Variants in FEZ2 observed in about 807,000 individuals in gnomAD.
FEZ2 encodes fasciculation and elongation protein zeta-2.
A neutral mutation model predicts 40.4 loss-of-function variants in FEZ2; 51 were observed. The ratio of observed to expected loss-of-function variants is 1.26; its 90% confidence interval spans 1.01 to 1.59. The LOEUF is 1.59. FEZ2 is among the 40% of genes most tolerant of loss of function. FEZ2 has a pLI of 0.00. For missense variants in FEZ2, 640 were observed against 438.3 expected (o/e 1.46, Z -4.11); for synonymous variants, 242 against 172.0 (o/e 1.41, Z -3.18).
intron 5 of FEZ2, among the ~76,000 whole-genome samples, chr2:36,564,713 T>C (rs781602185): frequency 2.0e-5 from 3 of 150,710 alleles, no homozygotes; most frequent in Non-Finnish European, 3.0e-5. Flanking sequence ...CAAAGGACAA[T>C]GGACAAGGGA....
chr2:36,573,453 C>T (rs1417621202), intron 5 of FEZ2, among the ~76,000 whole-genome samples: 1 of 152,200 alleles, frequency 6.6e-6, no homozygotes, highest in Non-Finnish European at 1.5e-5. Context: ...TAACAGAAGC[C>T]TGGCTCCCCC....
At chr2:36,556,742 G>A (rs1356192067) in intron 6 of FEZ2, 3 of 152,196 alleles carry the variant, frequency 2.0e-5, no homozygotes, top group East Asian at 1.9e-4. Context: ...ATATCATAGT[G>A]CCTGGCACAT....
chr2:36,592,893 C>G (rs1479056248), intron 1 of FEZ2, among the ~76,000 whole-genome samples: 1 of 152,148 alleles, frequency 6.6e-6, no homozygotes, highest in Admixed American at 6.5e-5. Flanking sequence ...AGAACTAACT[C>G]ATCTACCCAG....
At chr2:36,593,309 C>T (rs1669125188) in intron 1 of FEZ2, among the ~76,000 whole-genome samples, 1 of 152,066 alleles carries the variant, frequency 6.6e-6, no homozygotes, top group South Asian at 2.1e-4. Context: ...CTTCTCACAA[C>T]CCCACTAGGC....
chr2:36,592,541 C>CAT (rs2148352012), intron 1 of FEZ2, among the ~76,000 whole-genome samples: 1 of 150,682 alleles, frequency 6.6e-6, no homozygotes, highest in South Asian at 2.1e-4. Context: ...CCTGGTGGCT[C>CAT]ATGCCTGTAA....
At chr2:36,556,152 TA>T in intron 6 of FEZ2, 1 of 405,720 alleles carries the variant, frequency 2.5e-6, no homozygotes, top group Middle Eastern at 3.6e-4. Flanking sequence ...TCAAGCAAAC[TA>T]GAGAAACTCT....
intron 7 of FEZ2, chr2:36,555,394 A>G: frequency 4.3e-6 from 1 of 233,568 alleles, no homozygotes; most frequent in Non-Finnish European, 8.2e-6. Context: ...TGATACCCAC[A>G]TGATTATGGT....
At position 36,597,932 on chromosome 2, in the gene FEZ2, G is replaced by C; in HGVS notation, c.211C>G (p.Pro71Ala). The C allele has an allele frequency of 7.0e-7, 1 of 1,438,220 alleles. No homozygotes were observed. Among genetic ancestry groups the C allele is most frequent in the Non-Finnish European group, 9.1e-7 (1 of 1,102,776 alleles). 89.1% of individuals were successfully genotyped at this position (1,438,220 alleles called of 1,614,324 possible). A position where few individuals can be genotyped will look rare whatever the true frequency, so the allele number is the denominator to read the frequency against. Residue 71 changes from proline (P) to alanine (A), a missense_variant, in exon 1 of 8, where the codon CCC (proline) becomes GCC (alanine). By Grantham distance (27) the Pro-to-Ala change is conservative. Coordinates refer to ENST00000405912, the MANE Select transcript of FEZ2 (RefSeq NM_005102.3). ...ATGGGCCGCACGGCCGTCCTCGGGGGCTCGGCGCCCGGATCCGAGGGGCGG... is the reference window on the plus strand; with the variant it reads ...ATGGGCCGCACGGCCGTCCTCGGGGCCTCGGCGCCCGGATCCGAGGGGCGG... ...CFRPSDPGAE[P>A]PRTAVRPITE...
intron 4 of FEZ2, among the ~76,000 whole-genome samples, chr2:36,580,266 T>C (rs749767343): frequency 2.6e-5 from 4 of 152,232 alleles, no homozygotes; most frequent in African/African-American, 4.8e-5. Flanking sequence ...TACAGGAACA[T>C]GGCCAAATCA....
intron 4 of FEZ2, among the ~76,000 whole-genome samples, chr2:36,579,619 TA>T (rs1347939409): frequency 4.0e-5 from 6 of 151,664 alleles, no homozygotes; most frequent in Non-Finnish European, 8.8e-5. Flanking sequence ...CCACCATGAG[TA>T]AAAGCTCCCT....
chr2:36,565,989 G>A (rs535296233), intron 5 of FEZ2, among the ~76,000 whole-genome samples: 2 of 152,190 alleles, frequency 1.3e-5, no homozygotes, highest in Non-Finnish European at 2.9e-5. Flanking sequence ...AAGCACATTG[G>A]ATGGTTCATC....
chr2:36,566,339 C>CA (rs11384694), intron 5 of FEZ2, among the ~76,000 whole-genome samples: 68,939 of 131,940 alleles, frequency 0.52, 17,576 homozygotes, highest in East Asian at 0.85. Flanking sequence ...GACTCCGTCT[C>CA]AAAAAAAAAA....
At chr2:36,590,308 T>A (rs1489941061) in intron 2 of FEZ2, 1 of 152,268 alleles carries the variant, frequency 6.6e-6, no homozygotes, top group African/African-American at 2.4e-5. Context: ...GAGATTCCAA[T>A]ACTCTCAGTA....
chr2:36,560,772 G>A, intron 5 of FEZ2: 1 of 1,554,816 alleles, frequency 6.4e-7, no homozygotes, highest in Non-Finnish European at 8.8e-7. Flanking sequence ...GGAAAATAAG[G>A]ATAACCGAGC....
At chr2:36,588,178 G>A (rs1013157804) in intron 2 of FEZ2, among the ~76,000 whole-genome samples, 2 of 152,038 alleles carry the variant, frequency 1.3e-5, no homozygotes, top group Non-Finnish European at 2.9e-5. Flanking sequence ...ACAGGCATGC[G>A]CCACCACGCC....
At chr2:36,581,040 T>C (rs544084984) in intron 4 of FEZ2, among the ~76,000 whole-genome samples, 4 of 152,254 alleles carry the variant, frequency 2.6e-5, no homozygotes, top group Admixed American at 2.6e-4. Context: ...TAATCCTAGC[T>C]ACTTGGGAGG....
rs1317202046 is a variant in FEZ2, at chr2:36,578,487, T to C, written c.903+110A>G. 4 of 1,121,018 alleles carry C rather than the reference T, an allele frequency of 3.6e-6. No homozygotes were observed. The African/African-American group carries it at 6.2e-5, about 18-fold the overall frequency. The allele number at this position is 1,121,018 out of a possible 1,614,324, so 69.4% of individuals were successfully genotyped here. ...CCCACTGGGCTCTGATTAGAAGTGT[T>C]AACACTCCTGCCCATGTACAACCTG... On this transcript the variant is annotated intron_variant, in intron 5 of 7. Coordinates refer to ENST00000405912, the MANE Select transcript of FEZ2 (RefSeq NM_005102.3).
intron 5 of FEZ2, among the ~76,000 whole-genome samples, chr2:36,567,381 A>G (rs192971255): frequency 1.3e-5 from 2 of 152,322 alleles, no homozygotes; most frequent in East Asian, 3.9e-4. Flanking sequence ...TCCACTGAAG[A>G]ATCTAGTCTA....
intron 6 of FEZ2, chr2:36,557,137 A>T (rs1048922334): frequency 1.3e-5 from 2 of 152,136 alleles, no homozygotes; most frequent in African/African-American, 4.8e-5. Flanking sequence ...CATGTTTAAA[A>T]TTTTTTCTAA....
Sources: gnomAD v4.1 joint callset for allele counts (sites outside exome capture counted in the v4.1 genomes callset) on GRCh38, gnomAD v4.1.1 for gene constraint, MANE v1.5 for transcripts, NCBI Gene and HGNC (gene_info 2026-07-23, HGNC 2026-07-21) for gene names.